Variants in RASA2 observed in about 807,000 individuals in gnomAD.
RASA2 encodes the protein RAS p21 protein activator 2, also known as ras GTPase-activating protein 2.
In RASA2, 155 loss-of-function variants were observed where a neutral mutation model predicts 118.2. That is an observed-to-expected ratio of 1.31 (90% confidence interval 1.15 to 1.50). The LOEUF is 1.50. Among genes scored for constraint, RASA2 ranks in the 40% most tolerant of loss-of-function variants. The pLI is 0.00. For missense variants in RASA2, 1,016 were observed against 1,009.6 expected, an observed-to-expected ratio of 1.01 and a Z score of -0.09; for synonymous variants, 353 against 349.1, an observed-to-expected ratio of 1.01 and a Z score of -0.12.
At chr3:141,551,523 A>G (rs1180543960) in intron 5 of RASA2, among the ~76,000 whole-genome samples, 1 of 152,138 alleles carries the variant, frequency 6.6e-6, no homozygotes, top group Non-Finnish European at 1.5e-5. Context: ...TCTCTGTGCA[A>G]CTTTCTTCCC....
At chr3:141,514,230 A>G (rs2081991909) in intron 2 of RASA2, among the ~76,000 whole-genome samples, 1 of 152,236 alleles carries the variant, frequency 6.6e-6, no homozygotes, top group South Asian at 2.1e-4. Context: ...ACCGATGGCC[A>G]TTTAAAATAT....
At chr3:141,603,328 T>C (rs962318220) in intron 19 of RASA2, among the ~76,000 whole-genome samples, 1 of 152,130 alleles carries the variant, frequency 6.6e-6, no homozygotes. Flanking sequence ...CCCACTACTT[T>C]AGGAGGCCAA....
chr3:141,584,176 C>A (rs1016331759), intron 17 of RASA2, among the ~76,000 whole-genome samples: 11 of 151,544 alleles, frequency 7.3e-5, no homozygotes, highest in African/African-American at 1.2e-4. Flanking sequence ...ACTAAAAATA[C>A]AAAAATTAGC....
At chr3:141,599,885 TA>T (rs1430417595) in intron 19 of RASA2, among the ~76,000 whole-genome samples, 1 of 152,216 alleles carries the variant, frequency 6.6e-6, no homozygotes, top group African/African-American at 2.4e-5. Flanking sequence ...TTAAGTTATG[TA>T]GAACACTCTT....
In RASA2 at chr3:141,609,495, C is replaced by T; in HGVS notation, c.2301C>T (p.Leu767=). The T allele has an allele frequency of 6.3e-7, 1 of 1,598,600 alleles. No homozygotes were observed. Among genetic ancestry groups the T allele is most frequent in the Non-Finnish European group, 8.6e-7 (1 of 1,167,874 alleles). ...ETERIYSLFT[L]SLLKLQKMEE... ...AAAGAATTTATTCCCTTTTTACCCT[C>T]AGTTTACTTAAGCTGCAGAAGATGG... is the stretch of plus-strand genomic sequence containing the variant. The change falls in exon 22 of 24, where the codon CTC becomes CTT. Residue 767 remains leucine (L), a synonymous_variant. Transcript: ENST00000286364.
chr3:141,569,754 G>A (rs1004366099), intron 9 of RASA2, among the ~76,000 whole-genome samples: 16 of 152,030 alleles, frequency 1.1e-4, no homozygotes, highest in Admixed American at 7.9e-4. Flanking sequence ...ACAAAGTACC[G>A]GATGGTTTTT....
At chr3:141,610,378 ATATATTATATATTTATAT>A (rs2083622985) in intron 23 of RASA2, among the ~76,000 whole-genome samples, 2 of 113,946 alleles carry the variant, frequency 1.8e-5, no homozygotes, top group South Asian at 2.5e-4. Flanking sequence ...ATTTATATTT[ATATATTATATATTTATAT>A]TTATATATTA....
intron 5 of RASA2, among the ~76,000 whole-genome samples, chr3:141,547,077 A>C (rs1228855760): frequency 6.6e-6 from 1 of 152,188 alleles, no homozygotes; most frequent in African/African-American, 2.4e-5. Context: ...TTATGCCAGT[A>C]CAATGCTGTT....
intron 1 of RASA2, among the ~76,000 whole-genome samples, chr3:141,502,077 A>G (rs999630522): frequency 6.6e-6 from 1 of 152,216 alleles, no homozygotes; most frequent in Non-Finnish European, 1.5e-5. Context: ...TCAGATTTTC[A>G]GATTTGGGAT....
chr3:141,527,722 C>G (rs1301051565), intron 3 of RASA2, among the ~76,000 whole-genome samples: 3 of 152,116 alleles, frequency 2.0e-5, no homozygotes, highest in East Asian at 1.9e-4. Context: ...ATAGATAAAA[C>G]ATATCCAGAG....
At chr3:141,580,875 A>G (rs906713454) in intron 16 of RASA2, among the ~76,000 whole-genome samples, 7 of 151,936 alleles carry the variant, frequency 4.6e-5, no homozygotes, top group African/African-American at 1.7e-4. Flanking sequence ...CTGCTAAACA[A>G]GACAAGAGAG....
At chr3:141,541,029 C>T (rs905488009) in intron 5 of RASA2, among the ~76,000 whole-genome samples, 6 of 152,076 alleles carry the variant, frequency 3.9e-5, no homozygotes, top group African/African-American at 1.2e-4. Flanking sequence ...CTTTTTACCT[C>T]TTCCACCCTC....
intron 9 of RASA2, among the ~76,000 whole-genome samples, chr3:141,562,062 C>G (rs1560033606): frequency 6.6e-6 from 1 of 152,010 alleles, no homozygotes; most frequent in Middle Eastern, 3.4e-3. Context: ...AAGTGATTCT[C>G]CTGCCTCAGC....
intron 4 of RASA2, among the ~76,000 whole-genome samples, chr3:141,536,347 C>G (rs2082325053): frequency 6.6e-6 from 1 of 152,098 alleles, no homozygotes; most frequent in African/African-American, 2.4e-5. Context: ...AAAGACTGGC[C>G]CCCATGATTC....
intron 5 of RASA2, among the ~76,000 whole-genome samples, chr3:141,548,925 ACCTCTT>A (rs568798673): frequency 1.1e-4 from 17 of 152,044 alleles, no homozygotes; most frequent in Non-Finnish European, 1.8e-4. Flanking sequence ...ATTGAAAATG[ACCTCTT>A]CCTCTGTGTT....
intron 1 of RASA2, among the ~76,000 whole-genome samples, chr3:141,494,711 A>G (rs1015733840): frequency 5.3e-5 from 8 of 152,030 alleles, no homozygotes; most frequent in African/African-American, 1.7e-4. Context: ...AAATTAAGTT[A>G]TAGGATCTCT....
At position 141,494,414 on chromosome 3, in the gene RASA2, G is replaced by C. The variant is rs530483087; in HGVS notation, c.133+7198G>C. Among the ~76,000 whole-genome samples, 362 of 152,354 alleles carry C rather than the reference G, an allele frequency of 2.4e-3. 3 individuals carry two copies. The highest frequency in any genetic ancestry group is 8.2e-3 in the African/African-American group (339 of 41,594). On this transcript the variant is annotated intron_variant, in intron 1 of 23. Transcript: ENST00000286364. ...GCACTTTTAAATGAGAGTGAGGATT[G>C]CTCTGTCACCAGGGCACGATCTTGG...
intron 4 of RASA2, among the ~76,000 whole-genome samples, chr3:141,538,153 A>T (rs2082355787): frequency 6.6e-6 from 1 of 151,940 alleles, no homozygotes; most frequent in South Asian, 2.1e-4. Flanking sequence ...CTGCAATTCA[A>T]ATCTATTAAA....
chr3:141,577,196 T>A, intron 15 of RASA2, 90 bp downstream of exon 15: 1 of 961,174 alleles, frequency 1.0e-6, no homozygotes, highest in Non-Finnish European at 1.5e-6. Context: ...TTCACTAGGC[T>A]GTATTTTCTT....
Sources: allele counts gnomAD v4.1 joint callset (sites outside exome capture counted in the v4.1 genomes callset), GRCh38; gene constraint gnomAD v4.1.1; transcripts MANE v1.5; gene names NCBI Gene and HGNC (gene_info 2026-07-23, HGNC 2026-07-21).